CAPN14: variants seen among roughly 807,000 people sequenced by gnomAD.
CAPN14 encodes the protein calpain-14.
Under a neutral mutation model 101.3 loss-of-function variants are expected in CAPN14, and 94 were observed. That is an observed-to-expected ratio of 0.93 (90% CI 0.79 to 1.10). CAPN14 has a LOEUF of 1.10. Among genes scored for constraint, CAPN14 ranks in the 50% least tolerant of loss-of-function variants. The probability of loss-of-function intolerance (pLI) is 0.00; values close to 1 mark genes in which losing one functional copy is unlikely to be tolerated. For missense variants in CAPN14, 837 were observed against 828.4 expected, an observed-to-expected ratio of 1.01 and a Z score of -0.13; for synonymous variants, 338 against 317.9, an observed-to-expected ratio of 1.06 and a Z score of -0.67.
rs1490626750 is a variant in CAPN14, at chr2:31,191,974, C to T, written c.1239G>A (p.Lys413=). ...AGCCAATGGCGAGGAGAGGCTTCCG[C>T]TTGCGGCACCTGTGCCTGGGCTTCT... ...LLQKPRHRCR[K]RKPLLAIGFY... is the part of the protein sequence containing the mutation. Residue 413 remains lysine, a synonymous_variant, in exon 11 of 22, where the codon AAG becomes AAA. Transcript: ENST00000403897. 5 of 1,551,534 alleles carry T rather than the reference C, an allele frequency of 3.2e-6. No homozygotes were observed. The highest frequency in any genetic ancestry group is 2.4e-5 in the East Asian group (1 of 40,916).
intron 18 of CAPN14, 25 bp from the exon 19 acceptor site, chr2:31,177,846 C>G (rs1212635022): frequency 2.0e-6 from 3 of 1,532,772 alleles, no homozygotes; most frequent in South Asian, 2.4e-5. Flanking sequence ...ATAAGAGGTT[C>G]AGGAAGCCAG....
At chr2:31,198,007 T>A (rs1681557141) in intron 7 of CAPN14, among the ~76,000 whole-genome samples, 1 of 151,634 alleles carries the variant, frequency 6.6e-6, no homozygotes, top group Non-Finnish European at 1.5e-5. Context: ...TAATTTTTTG[T>A]GGCAACCCTA....
Position 31,200,437 on chromosome 2 carries a change from CA to C in CAPN14, c.726+13del, listed in dbSNP as rs1428044792. 1 of 1,543,884 alleles carries C rather than the reference CA, an allele frequency of 6.5e-7. No individual in the cohort carries two copies. The highest frequency in any genetic ancestry group is 1.2e-5 in the South Asian group (1 of 82,726). Reference sequence around the variant, plus strand: ...GGAGAAGAGGACATTCTGCCAGTGGCAGCCCAGTCTCACCCCTGAGTGGGTC... The same window carrying C: ...GGAGAAGAGGACATTCTGCCAGTGGCGCCCAGTCTCACCCCTGAGTGGGTC... On this transcript the variant is annotated intron_variant, in intron 6 of 21. Transcript: ENST00000403897.
rs1680600436 is a variant in CAPN14, at chr2:31,181,406, CTTT to C, written c.1646-409_1646-407del. On this transcript the variant is annotated intron_variant, in intron 16 of 21. Coordinates refer to ENST00000403897, the MANE Select transcript of CAPN14 (RefSeq NM_001145122.2). ...TCTTTTTTTCTTTCTTTTTTTCTTT[CTTT>C]CTTTCTTTCTTTCTTTCTTTCTTTC... Among the ~76,000 whole-genome samples the C allele has an allele frequency of 3.5e-5, 4 of 115,032 alleles. No homozygotes were observed. In the East Asian group the frequency reaches 7.0e-4, roughly 20 times the overall value. 75.5% of individuals were successfully genotyped at this position (115,032 alleles called of 152,430 possible). A position where few individuals can be genotyped will look rare whatever the true frequency, so the allele number is the denominator to read the frequency against.
intron 8 of CAPN14, among the ~76,000 whole-genome samples, chr2:31,196,025 A>G (rs1681454694): frequency 6.6e-6 from 1 of 152,220 alleles, no homozygotes; most frequent in Admixed American, 6.5e-5. Context: ...CTATTATAAA[A>G]GTGCCGCATA....
intron 3 of CAPN14, 147 bp from the exon 4 acceptor site, chr2:31,202,399 G>A (rs1681840220): frequency 3.1e-6 from 2 of 638,276 alleles, no homozygotes; most frequent in African/African-American, 3.7e-5. Flanking sequence ...GATGATGAGT[G>A]AGCAGAGGTG....
rs1221355689 is a variant in CAPN14 at position 31,174,017 on chromosome 2, T to C, written c.*664A>G. The C allele has an allele frequency of 6.6e-6, 1 of 152,352 alleles. No individual in the cohort carries two copies. The highest frequency in any genetic ancestry group is 2.4e-5 in the African/African-American group (1 of 41,410). 9.4% of individuals were successfully genotyped at this position (152,352 alleles called of 1,614,324 possible). A position where few individuals can be genotyped will look rare whatever the true frequency, so the allele number is the denominator to read the frequency against. On this transcript the variant is annotated 3_prime_UTR_variant, in exon 22 of 22. Transcript: ENST00000403897. Reference sequence around the variant, plus strand: ...GCAGGAAGCCCTTTGAGAACTCAGGTGTTTTAAATCTACTAGGTTGCCCCA... The same window carrying C: ...GCAGGAAGCCCTTTGAGAACTCAGGCGTTTTAAATCTACTAGGTTGCCCCA...
Position 31,197,326 on chromosome 2 carries a change from G to A in CAPN14, c.798C>T (p.Cys266=). ...YTLTGIRKVT[C]KHRPEYLVKL... ...TGACGAGATATTCAGGTCTATGTTT[G>A]CAGGTCACCTGCATAAAATGAGAGG... Residue 266 remains cysteine (C), a synonymous_variant, in exon 8 of 22, where the codon TGC becomes TGT. Transcript: ENST00000403897. The A allele has an allele frequency of 6.5e-7, 1 of 1,549,940 alleles. No homozygotes were observed. The highest frequency in any genetic ancestry group is 1.2e-5 in the South Asian group (1 of 84,032).
intron 1 of CAPN14, among the ~76,000 whole-genome samples, chr2:31,208,384 C>T (rs541902406): frequency 2.6e-4 from 39 of 152,262 alleles, no homozygotes; most frequent in African/African-American, 9.1e-4. Flanking sequence ...GATAGAGGGT[C>T]CCTTGGCTTC....
intron 16 of CAPN14, among the ~76,000 whole-genome samples, chr2:31,181,390 CTTTCTTTT>C (rs771144320): frequency 0.032 from 4,421 of 136,070 alleles, 123 homozygotes; most frequent in African/African-American, 0.073. Context: ...TTCTTTTTTT[CTTTCTTTT>C]TTTCTTTCTT....
At chr2:31,181,972 G>T (rs1012100117) in intron 16 of CAPN14, among the ~76,000 whole-genome samples, 6 of 151,846 alleles carry the variant, frequency 4.0e-5, no homozygotes, top group East Asian at 3.9e-4. Context: ...GAATAGTGCC[G>T]CAATAAACAT....
At chr2:31,192,194 G>A (rs1681229816) in intron 10 of CAPN14, 96 bp from the exon 11 acceptor site, 1 of 1,352,026 alleles carries the variant, frequency 7.4e-7, no homozygotes, top group Admixed American at 3.0e-5. Flanking sequence ...GGACGCCTCT[G>A]CCAGGATTGA....
At position 31,205,203 on chromosome 2, in the gene CAPN14, G is replaced by T; in HGVS notation, c.225+20C>A. 2 of 1,546,192 alleles carry T rather than the reference G, an allele frequency of 1.3e-6. No homozygotes were observed. The highest frequency in any genetic ancestry group is 8.7e-7 in the Non-Finnish European group (1 of 1,143,774). The stretch of plus-strand genomic sequence containing the variant: ...TAAACCCTGGGGAAGGAGGGTCTGG[G>T]CTGACACATTTTGCCTCACCGGGGG... On this transcript the variant is annotated intron_variant, in intron 2 of 21. Coordinates refer to ENST00000403897, the MANE Select transcript of CAPN14 (RefSeq NM_001145122.2).
chr2:31,177,848 G>T (rs1238379085), intron 18 of CAPN14, 27 bp from the exon 19 acceptor site: 8 of 1,533,286 alleles, frequency 5.2e-6, no homozygotes, highest in Non-Finnish European at 6.2e-6. Flanking sequence ...AAGAGGTTCA[G>T]GAAGCCAGGC....
In CAPN14 at chr2:31,189,056, C is replaced by G. The variant is rs558208271; in HGVS notation, c.1493+217G>C. On this transcript the variant is annotated intron_variant, in intron 13 of 21. Coordinates refer to ENST00000403897, the MANE Select transcript of CAPN14 (RefSeq NM_001145122.2). The stretch of plus-strand genomic sequence containing the variant: ...CTATGTGTGTTTTATCTTTTTCTCT[C>G]TAATGTCTAGCATGGTGTTAGTTTG... Among the ~76,000 whole-genome samples the G allele has an allele frequency of 2.6e-5, 4 of 152,326 alleles. No homozygotes were observed. In the East Asian group the frequency reaches 7.7e-4, roughly 29 times the overall value.
rs952284688 is a variant in CAPN14 at position 31,197,257 on chromosome 2, C to A, written c.867G>T (p.Trp289Cys). The A allele has an allele frequency of 1.9e-6, 3 of 1,550,498 alleles. No homozygotes were observed. The highest frequency in any genetic ancestry group is 2.6e-6 in the Non-Finnish European group (3 of 1,145,650). ...PWGKVEWKGD[W>C]SDSSSKWELL... is the part of the protein sequence containing the mutation. ...ATGTCCCCAAAGTTCACCTGTCACT[C>A]CAGTCTCCTTTCCATTCCACCTTTC... Residue 289 changes from tryptophan (W) to cysteine (C), a missense_variant, in exon 8 of 22, where the codon TGG (tryptophan) becomes TGT (cysteine). Physicochemically the swap from Trp to Cys is radical, Grantham distance 215. Transcript: ENST00000403897.
chr2:31,211,612 C>T (rs1682404944), intron 1 of CAPN14, among the ~76,000 whole-genome samples: 2 of 151,062 alleles, frequency 1.3e-5, no homozygotes, highest in South Asian at 4.2e-4. Context: ...TATGCAATGA[C>T]CAATGAAGTT....
At chr2:31,197,401 A>G in intron 7 of CAPN14, 67 bp from the exon 8 acceptor site, 1 of 1,125,984 alleles carries the variant, frequency 8.9e-7, no homozygotes, top group Non-Finnish European at 1.3e-6. Context: ...TCTGAGTGAG[A>G]CTCGGGCCTG....
chr2:31,194,309 A>G, intron 9 of CAPN14, 100 bp downstream of exon 9: 1 of 814,910 alleles, frequency 1.2e-6, no homozygotes, highest in East Asian at 2.7e-5. Context: ...TGATCTCTGT[A>G]CATGAAGTTC....
Sources: allele counts gnomAD v4.1 joint callset (sites outside exome capture counted in the v4.1 genomes callset), GRCh38; gene constraint gnomAD v4.1.1; transcripts MANE v1.5; gene names NCBI Gene and HGNC (gene_info 2026-07-23, HGNC 2026-07-21).